Variants in STEAP1B observed in about 807,000 individuals in gnomAD.
STEAP1B encodes the protein STEAP family member 1B, also known as STEAP family protein MGC87042.
In STEAP1B, 13 loss-of-function variants were observed where a neutral mutation model predicts 27.9. That is an observed-to-expected ratio of 0.47 (90% CI 0.30 to 0.74). STEAP1B has a LOEUF of 0.74. Ranked by LOEUF, STEAP1B falls within the 30% of genes least tolerant of loss-of-function variation. The probability of loss-of-function intolerance (pLI) is 0.06; values close to 1 mark genes in which losing one functional copy is unlikely to be tolerated. For synonymous variants in STEAP1B, 86 were observed against 107.1 expected (o/e 0.80, Z 1.22); for missense variants, 250 against 298.7 (o/e 0.84, Z 1.20).
intron 4 of STEAP1B, among the ~76,000 whole-genome samples, chr7:22,444,122 G>A (rs1337016776): frequency 6.6e-6 from 1 of 152,234 alleles, no homozygotes; most frequent in Non-Finnish European, 1.5e-5. Flanking sequence ...TCCCTGCAGA[G>A]GGAGTGGGTT....
chr7:22,430,204 A>C (rs1785159135), intron 4 of STEAP1B, among the ~76,000 whole-genome samples: 1 of 152,212 alleles, frequency 6.6e-6, no homozygotes, highest in African/African-American at 2.4e-5. Context: ...AACCCTTCTT[A>C]TTGCTTGAAA....
chr7:22,468,735 T>C (rs570779095), intron 4 of STEAP1B, among the ~76,000 whole-genome samples: 9 of 152,318 alleles, frequency 5.9e-5, no homozygotes, highest in African/African-American at 2.2e-4. Context: ...CAGACAACAA[T>C]GGACTGCATA....
chr7:22,465,854 C>T (rs1011106726), intron 4 of STEAP1B, among the ~76,000 whole-genome samples: 56 of 152,110 alleles, frequency 3.7e-4, no homozygotes, highest in African/African-American at 1.1e-3. Context: ...TGGTGGTGGG[C>T]TGGGCAGGAA....
At chr7:22,438,077 C>A (rs141493577) in intron 4 of STEAP1B, among the ~76,000 whole-genome samples, 1 of 152,056 alleles carries the variant, frequency 6.6e-6, no homozygotes, top group African/African-American at 2.4e-5. Flanking sequence ...TTTTGTCGAT[C>A]GTTTCTTTTG....
chr7:22,423,573 A>G (rs1356413400), intron 4 of STEAP1B, among the ~76,000 whole-genome samples: 1 of 152,232 alleles, frequency 6.6e-6, no homozygotes, highest in Non-Finnish European at 1.5e-5. Flanking sequence ...AAATCCATAG[A>G]GACAGAAAGT....
chr7:22,484,202 A>T (rs1786134859), intron 4 of STEAP1B, among the ~76,000 whole-genome samples: 1 of 152,244 alleles, frequency 6.6e-6, no homozygotes, highest in East Asian at 1.9e-4. Context: ...TGTAGACAAA[A>T]ATAGCCCTCT....
At chr7:22,456,972 A>ATATATATATATATATATAT in intron 4 of STEAP1B, among the ~76,000 whole-genome samples, 10 of 57,080 alleles carry the variant, frequency 1.8e-4, no homozygotes, top group East Asian at 1.3e-3. Context: ...ATATATATAT[A>ATATATATATATATATATAT]TTTTTTTTTT....
intron 4 of STEAP1B, among the ~76,000 whole-genome samples, chr7:22,427,907 C>T (rs566992175): frequency 5.9e-5 from 9 of 152,324 alleles, no homozygotes; most frequent in Non-Finnish European, 1.2e-4. Flanking sequence ...GAAAGCCATG[C>T]ATGTTACTGC....
chr7:22,487,056 AG>A (rs1344153387), intron 4 of STEAP1B, among the ~76,000 whole-genome samples: 3 of 152,216 alleles, frequency 2.0e-5, no homozygotes, highest in Non-Finnish European at 2.9e-5. Context: ...AAGGAAACAA[AG>A]GGTGAAAAGC....
chr7:22,455,530 T>C (rs1455375017), intron 4 of STEAP1B, among the ~76,000 whole-genome samples: 3 of 152,242 alleles, frequency 2.0e-5, no homozygotes, highest in African/African-American at 7.2e-5. Flanking sequence ...GGATACCCTC[T>C]TTAGCAAACT....
intron 4 of STEAP1B, among the ~76,000 whole-genome samples, chr7:22,486,944 C>T (rs561644268): frequency 2.6e-5 from 4 of 152,292 alleles, no homozygotes; most frequent in Admixed American, 2.0e-4. Context: ...TAAAGCTGTA[C>T]TCCCCACCCT....
chr7:22,493,609 T>A lies in STEAP1B; in HGVS notation c.312A>T (p.Gln104His). 1.9e-6 allele frequency: 3 copies of A among 1,613,902 alleles called. No individual in the cohort carries two copies. The highest frequency in any genetic ancestry group is 1.7e-4 in the Middle Eastern group (1 of 6,056). ...VIHPLATSHQ[Q>H]YFYKIPILVI... is the part of the protein sequence containing the mutation. ...CCAGGATTGGAATTTTATAAAAATA[T>A]TGTTGATGGGAAGTTGCTAAAGGGT... The change falls in exon 3 of 5, where the codon CAA becomes CAT. Residue 104 changes from glutamine to histidine, a missense_variant. Gln to His is a conservative substitution (Grantham distance 24). Transcript: ENST00000678116.
At chr7:22,469,794 A>C (rs893539148) in intron 4 of STEAP1B, among the ~76,000 whole-genome samples, 1 of 152,240 alleles carries the variant, frequency 6.6e-6, no homozygotes, top group Non-Finnish European at 1.5e-5. Flanking sequence ...ATTTCTCAGA[A>C]TATATTCCTA....
At chr7:22,419,876 T>C (rs908609361) in intron 4 of STEAP1B, 40 bp from the exon 5 acceptor site, 27 of 1,540,966 alleles carry the variant, frequency 1.8e-5, no homozygotes, top group Non-Finnish European at 2.1e-5. Context: ...TGTATAGAAG[T>C]AGTGACTATC....
intron 4 of STEAP1B, among the ~76,000 whole-genome samples, chr7:22,456,968 ATATATTTTTTTT>A (rs1785593648): frequency 2.1e-5 from 1 of 47,944 alleles, no homozygotes; most frequent in Non-Finnish European, 5.1e-5. Flanking sequence ...ATATATATAT[ATATATTTTTTTT>A]TTTTTTAAGT....
At chr7:22,497,586 A>C (rs1011347424) in intron 1 of STEAP1B, among the ~76,000 whole-genome samples, 9 of 152,200 alleles carry the variant, frequency 5.9e-5, no homozygotes, top group Non-Finnish European at 1.0e-4. Flanking sequence ...ACCAACATTA[A>C]AGAGGAAAAA....
intron 4 of STEAP1B, among the ~76,000 whole-genome samples, chr7:22,447,812 C>T (rs944056492): frequency 4.6e-5 from 7 of 152,178 alleles, no homozygotes; most frequent in Admixed American, 6.5e-5. Context: ...CCTAGTACTT[C>T]GGCAAACACT....
At chr7:22,432,593 A>G (rs1785201889) in intron 4 of STEAP1B, among the ~76,000 whole-genome samples, 1 of 152,012 alleles carries the variant, frequency 6.6e-6, no homozygotes, top group Admixed American at 6.6e-5. Context: ...AATAAATTCC[A>G]TTGTTTACAG....
At chr7:22,426,806 A>G (rs1026162134) in intron 4 of STEAP1B, among the ~76,000 whole-genome samples, 1 of 152,266 alleles carries the variant, frequency 6.6e-6, no homozygotes, top group Non-Finnish European at 1.5e-5. Context: ...ACAGACAAGA[A>G]GCAAACAAAA....
Sources: allele counts gnomAD v4.1 joint callset (sites outside exome capture counted in the v4.1 genomes callset), GRCh38; gene constraint gnomAD v4.1.1; transcripts MANE v1.5; gene names NCBI Gene and HGNC (gene_info 2026-07-23, HGNC 2026-07-21).